The following RBFOX1 variants were observed in gnomAD, a reference collection of about 807,000 sequenced individuals.
RBFOX1 encodes the protein RNA binding fox-1 homolog 1.
In RBFOX1, 8 loss-of-function variants were observed where a neutral mutation model predicts 57.7. The observed-to-expected ratio is 0.14, with a 90% CI of 0.08 to 0.25. RBFOX1 has a LOEUF of 0.25. Ranked by LOEUF, RBFOX1 falls within the 10% of genes least tolerant of loss-of-function variation. The pLI, the probability that RBFOX1 is intolerant of heterozygous loss-of-function variation, is 1.00. For synonymous variants in RBFOX1, 326 were observed against 222.4 expected, an observed-to-expected ratio of 1.47 and a Z score of -4.15; for missense variants, 611 against 548.5, an observed-to-expected ratio of 1.11 and a Z score of -1.14.
intron 4 of RBFOX1, among the ~76,000 whole-genome samples, chr16:7,069,850 C>G (rs1276175733): frequency 6.6e-6 from 1 of 152,174 alleles, no homozygotes; most frequent in African/African-American, 2.4e-5. Flanking sequence ...CATTGATGTT[C>G]CCTTACATCA....
At chr16:6,235,090 T>G (rs4474682) in intron 1 of RBFOX1, among the ~76,000 whole-genome samples, 115,807 of 152,032 alleles carry the variant, frequency 0.76, 44,273 homozygotes, top group South Asian at 0.86. Flanking sequence ...GGAATATAAT[T>G]TGCTCCTTAC....
intron 3 of RBFOX1, among the ~76,000 whole-genome samples, chr16:6,837,607 A>C (rs899891933): frequency 9.9e-5 from 15 of 152,210 alleles, no homozygotes; most frequent in African/African-American, 3.6e-4. Context: ...CAATTTGTGC[A>C]ATCTTGGGCA....
intron 2 of RBFOX1, among the ~76,000 whole-genome samples, chr16:6,604,099 C>T (rs561934782): frequency 2.0e-5 from 3 of 152,140 alleles, no homozygotes; most frequent in Non-Finnish European, 4.4e-5. Context: ...CCTTCCTCTA[C>T]CCCATCTGCT....
At chr16:7,314,966 A>T (rs2096403533) in intron 4 of RBFOX1, among the ~76,000 whole-genome samples, 1 of 152,246 alleles carries the variant, frequency 6.6e-6, no homozygotes, top group African/African-American at 2.4e-5. Context: ...TGAGTAAGCC[A>T]CAGAAAGCTC....
At chr16:6,505,567 T>C (rs1410932547) in intron 2 of RBFOX1, among the ~76,000 whole-genome samples, 1 of 152,174 alleles carries the variant, frequency 6.6e-6, no homozygotes, top group Non-Finnish European at 1.5e-5. Flanking sequence ...ACAGAGATTA[T>C]GGGGTCCTGG....
intron 3 of RBFOX1, among the ~76,000 whole-genome samples, chr16:6,891,578 G>A (rs2065435712): frequency 6.6e-6 from 1 of 152,146 alleles, no homozygotes; most frequent in Non-Finnish European, 1.5e-5. Context: ...AGTGCTCCAG[G>A]CATAGCATTC....
chr16:6,803,626 T>A (rs908778181), intron 3 of RBFOX1, among the ~76,000 whole-genome samples: 1 of 152,210 alleles, frequency 6.6e-6, no homozygotes, highest in Non-Finnish European at 1.5e-5. Flanking sequence ...CTAAACCGAA[T>A]GGACTTTAGC....
At chr16:7,071,057 C>G (rs2057234159) in intron 4 of RBFOX1, among the ~76,000 whole-genome samples, 1 of 152,200 alleles carries the variant, frequency 6.6e-6, no homozygotes, top group Admixed American at 6.5e-5. Context: ...TAGCCCTTCA[C>G]AAGCCTATCT....
intron 14 of RBFOX1, among the ~76,000 whole-genome samples, chr16:7,702,167 T>C: frequency 6.6e-6 from 1 of 152,222 alleles, no homozygotes; most frequent in East Asian, 1.9e-4. Context: ...GATTCTGCGA[T>C]TTGAAAATGG....
chr16:5,860,139 A>G (rs146474517), intron 3 of RBFOX1, among the ~76,000 whole-genome samples: 122 of 152,138 alleles, frequency 8.0e-4, no homozygotes, highest in African/African-American at 2.7e-3. Context: ...CTGGAGTGCA[A>G]TGGCATGATC....
intron 2 of RBFOX1, among the ~76,000 whole-genome samples, chr16:6,654,181 G>C (rs970347845): frequency 1.3e-5 from 2 of 152,126 alleles, no homozygotes; most frequent in Non-Finnish European, 2.9e-5. Flanking sequence ...TGGATGGTTG[G>C]AAGGATAAAA....
chr16:6,629,434 T>C (rs1368999091), intron 2 of RBFOX1, among the ~76,000 whole-genome samples: 1 of 152,246 alleles, frequency 6.6e-6, no homozygotes, highest in Non-Finnish European at 1.5e-5. Context: ...CCTTGATTTA[T>C]GTTTTATTTT....
At chr16:7,235,914 T>C (rs1358685024) in intron 4 of RBFOX1, among the ~76,000 whole-genome samples, 1 of 152,188 alleles carries the variant, frequency 6.6e-6, no homozygotes, top group Non-Finnish European at 1.5e-5. Context: ...TGCCCTCCTG[T>C]GAATGTTCTC....
intron 1 of RBFOX1, among the ~76,000 whole-genome samples, chr16:5,404,682 T>C (rs1468480719): frequency 1.3e-5 from 2 of 152,194 alleles, no homozygotes; most frequent in African/African-American, 4.8e-5. Context: ...TGTGCATACC[T>C]GGGGGATAGG....
At chr16:6,309,930 T>TGTGTCGCCCAGGCTGGAGTGCA (rs2080035030) in intron 1 of RBFOX1, among the ~76,000 whole-genome samples, 1 of 152,230 alleles carries the variant, frequency 6.6e-6, no homozygotes, top group Non-Finnish European at 1.5e-5. Context: ...AGAGTCTCGC[T>TGTGTCGCCCAGGCTGGAGTGCA]GTGTCGCCCA....
intron 2 of RBFOX1, among the ~76,000 whole-genome samples, chr16:6,591,777 AAGG>A (rs1296769861): frequency 4.6e-5 from 7 of 152,348 alleles, no homozygotes; most frequent in African/African-American, 1.2e-4. Flanking sequence ...GTAAATGAAG[AAGG>A]AGAAGCATTT....
At chr16:6,811,927 GA>G (rs950498462) in intron 3 of RBFOX1, among the ~76,000 whole-genome samples, 2 of 152,048 alleles carry the variant, frequency 1.3e-5, no homozygotes, top group African/African-American at 4.8e-5. Context: ...ATAAGGCACA[GA>G]AAAAAATACT....
intron 3 of RBFOX1, among the ~76,000 whole-genome samples, chr16:6,741,281 C>T (rs933807662): frequency 5.3e-5 from 8 of 152,168 alleles, no homozygotes; most frequent in African/African-American, 1.9e-4. Flanking sequence ...AACTTTCAGG[C>T]AATCCTATAG....
At chr16:6,187,615 A>T (rs1306125266) in intron 1 of RBFOX1, among the ~76,000 whole-genome samples, 1 of 152,204 alleles carries the variant, frequency 6.6e-6, no homozygotes, top group Middle Eastern at 3.2e-3. Context: ...AGATTTTCAT[A>T]TTAATCCAGG....
Sources: gnomAD v4.1 joint callset for allele counts (sites outside exome capture counted in the v4.1 genomes callset) on GRCh38, gnomAD v4.1.1 for gene constraint, MANE v1.5 for transcripts, NCBI Gene and HGNC (gene_info 2026-07-23, HGNC 2026-07-21) for gene names.